RUNX1: variants seen among roughly 807,000 people sequenced by gnomAD.
RUNX1 encodes the protein runt-related transcription factor 1.
RUNX1 carries 19 observed loss-of-function variants against 42.8 expected under a neutral mutation model. The observed-to-expected ratio is 0.44, with a 90% CI of 0.31 to 0.65. The LOEUF is 0.65. Ranked by LOEUF, RUNX1 falls within the 30% of genes least tolerant of loss-of-function variation. The probability of loss-of-function intolerance (pLI) is 0.07; values close to 1 mark genes in which losing one functional copy is unlikely to be tolerated. For synonymous variants in RUNX1, 271 were observed against 289.4 expected (o/e 0.94, Z 0.64); for missense variants, 528 against 672.0 (o/e 0.79, Z 2.37).
chr21:34,980,767 G>A (rs2058840842), intron 2 of RUNX1, among the ~76,000 whole-genome samples: 2 of 152,276 alleles, frequency 1.3e-5, no homozygotes, highest in South Asian at 4.2e-4. Context: ...AGATTTGAAT[G>A]GAATAATTTG....
intron 2 of RUNX1, among the ~76,000 whole-genome samples, chr21:35,030,793 AG>A (rs1484319308): frequency 1.3e-5 from 2 of 152,230 alleles, no homozygotes; most frequent in African/African-American, 4.8e-5. Flanking sequence ...CAAAACCTAC[AG>A]AAAGGGAAAG....
intron 2 of RUNX1, among the ~76,000 whole-genome samples, chr21:34,912,351 G>C (rs1026444778): frequency 2.6e-5 from 4 of 151,802 alleles, no homozygotes; most frequent in Middle Eastern, 6.8e-3. Flanking sequence ...TCCATCACCC[G>C]TCCTCTCTGT....
chr21:34,888,069 G>A (rs936240545), intron 3 of RUNX1: 1 of 1,066,340 alleles, frequency 9.4e-7, no homozygotes, highest in Non-Finnish European at 1.1e-6. Flanking sequence ...TGGGAGTTGA[G>A]CAGCCGCAGA....
At chr21:34,972,518 C>T (rs1390791286) in intron 2 of RUNX1, among the ~76,000 whole-genome samples, 1 of 152,124 alleles carries the variant, frequency 6.6e-6, no homozygotes. Context: ...TGGATAAATG[C>T]AATTTTTGCT....
intron 5 of RUNX1, among the ~76,000 whole-genome samples, chr21:34,872,506 T>C (rs2057754326): frequency 6.6e-6 from 1 of 152,270 alleles, no homozygotes; most frequent in South Asian, 2.1e-4. Flanking sequence ...AAAAAACTTT[T>C]AATATTCAGT....
chr21:34,838,656 T>G (rs922897723), intron 6 of RUNX1, among the ~76,000 whole-genome samples: 3 of 152,196 alleles, frequency 2.0e-5, no homozygotes, highest in African/African-American at 7.2e-5. Context: ...TTCCTTTGAT[T>G]TGCTACTGTT....
intron 2 of RUNX1, among the ~76,000 whole-genome samples, chr21:34,917,543 A>C (rs989772038): frequency 6.6e-6 from 1 of 152,226 alleles, no homozygotes; most frequent in African/African-American, 2.4e-5. Context: ...CATCAATCAG[A>C]GGCATTTCTG....
chr21:35,047,867 C>T (rs767639256), intron 2 of RUNX1, among the ~76,000 whole-genome samples: 33 of 152,192 alleles, frequency 2.2e-4, no homozygotes, highest in Non-Finnish European at 3.2e-4. Context: ...CGTGCCCCGA[C>T]GCACACGGCA....
chr21:34,802,482 T>C (rs2056621037), intron 7 of RUNX1, among the ~76,000 whole-genome samples: 1 of 152,240 alleles, frequency 6.6e-6, no homozygotes, highest in South Asian at 2.1e-4. Context: ...TTCATTCATT[T>C]ATTCATTCAT....
intron 6 of RUNX1, among the ~76,000 whole-genome samples, chr21:34,848,887 T>C (rs2057354790): frequency 6.6e-6 from 1 of 152,096 alleles, no homozygotes; most frequent in Non-Finnish European, 1.5e-5. Flanking sequence ...AATAAGGTGG[T>C]ACCAGGAAAA....
chr21:34,886,723 C>T (rs905722207), intron 4 of RUNX1, 120 bp downstream of exon 4: 14 of 1,499,008 alleles, frequency 9.3e-6, no homozygotes, highest in Admixed American at 3.8e-5. Flanking sequence ...AAGACCGACC[C>T]GGGGCTGCGG....
chr21:34,906,545 CT>C (rs1176496161), intron 2 of RUNX1, among the ~76,000 whole-genome samples: 1 of 152,152 alleles, frequency 6.6e-6, no homozygotes, highest in Non-Finnish European at 1.5e-5. Context: ...TCCCCTAAGG[CT>C]TAAAGAAGTT....
In RUNX1 at chr21:34,791,515, T is replaced by A. The variant is rs1693388109; in HGVS notation, c.*620A>T. 2 of 230,386 alleles carry A rather than the reference T, an allele frequency of 8.7e-6. No individual in the cohort carries two copies. Among genetic ancestry groups the A allele is most frequent in the Non-Finnish European group, 1.7e-5 (2 of 116,960 alleles). 14.3% of individuals were successfully genotyped at this position (230,386 alleles called of 1,614,324 possible). On this transcript the variant is annotated 3_prime_UTR_variant, in exon 9 of 9. Transcript: ENST00000675419. ...TAAATAAAACTTAAAGAAAAGGGAA[T>A]CATATTTCTTTCCATGGTCAAAGCA...
At chr21:34,802,551 T>C (rs548421017) in intron 7 of RUNX1, among the ~76,000 whole-genome samples, 4 of 152,336 alleles carry the variant, frequency 2.6e-5, no homozygotes, top group South Asian at 4.1e-4. Flanking sequence ...TTTGCTTCAC[T>C]TGGGCCACTG....
chr21:35,043,964 C>T (rs182824579), intron 2 of RUNX1, among the ~76,000 whole-genome samples: 5 of 152,180 alleles, frequency 3.3e-5, no homozygotes, highest in African/African-American at 9.7e-5. Flanking sequence ...TAAAGCTACA[C>T]CAGCAGTCTC....
At chr21:35,009,638 T>A (rs1354835131) in intron 2 of RUNX1, among the ~76,000 whole-genome samples, 1 of 152,216 alleles carries the variant, frequency 6.6e-6, no homozygotes, top group African/African-American at 2.4e-5. Context: ...CAATGGGCAC[T>A]TCTCCCATTT....
chr21:34,956,134 G>A (rs900165274), intron 2 of RUNX1, among the ~76,000 whole-genome samples: 1 of 152,146 alleles, frequency 6.6e-6, no homozygotes, highest in African/African-American at 2.4e-5. Flanking sequence ...GGAGATGTGG[G>A]TTTTGGCACA....
chr21:34,874,784 A>G (rs1170501759), intron 5 of RUNX1, among the ~76,000 whole-genome samples: 1 of 152,062 alleles, frequency 6.6e-6, no homozygotes, highest in Admixed American at 6.5e-5. Flanking sequence ...AGAAAATACA[A>G]AACTGATTTA....
At chr21:34,814,365 G>A (rs1021388457) in intron 7 of RUNX1, among the ~76,000 whole-genome samples, 9 of 152,078 alleles carry the variant, frequency 5.9e-5, no homozygotes, top group Non-Finnish European at 1.3e-4. Flanking sequence ...ACGGCGACAG[G>A]GATCACACTG....
Sources: allele counts gnomAD v4.1 joint callset (sites outside exome capture counted in the v4.1 genomes callset), GRCh38; gene constraint gnomAD v4.1.1; transcripts MANE v1.5; gene names NCBI Gene and HGNC (gene_info 2026-07-23, HGNC 2026-07-21).